RALGAPA2: variants seen among roughly 807,000 people sequenced by gnomAD.
RALGAPA2 encodes the protein Ral GTPase activating protein catalytic subunit alpha 2, also known as ral GTPase-activating protein subunit alpha-2.
In RALGAPA2, 139 loss-of-function variants were observed where a neutral mutation model predicts 230.4. The observed-to-expected ratio is 0.60, with a 90% confidence interval of 0.53 to 0.69. The LOEUF (loss-of-function observed/expected upper bound fraction) is 0.69, where lower values mean the gene tolerates loss of function less well. Ranked by LOEUF, RALGAPA2 falls within the 30% of genes least tolerant of loss-of-function variation. The pLI, the probability that RALGAPA2 is intolerant of heterozygous loss-of-function variation, is 0.00. For missense variants in RALGAPA2, 2,163 were observed against 2,276.0 expected, an observed-to-expected ratio of 0.95 and a Z score of 1.01; for synonymous variants, 847 against 837.8, an observed-to-expected ratio of 1.01 and a Z score of -0.19.
intron 37 of RALGAPA2, among the ~76,000 whole-genome samples, chr20:20,412,750 A>G (rs2060087847): frequency 6.6e-6 from 1 of 152,232 alleles, no homozygotes; most frequent in African/African-American, 2.4e-5. Flanking sequence ...TTTAAAAAAA[A>G]AAGACTACTG....
intron 2 of RALGAPA2, among the ~76,000 whole-genome samples, chr20:20,677,629 ATTTTTTTTTTTTTTT>A (rs758379115): frequency 1.9e-4 from 12 of 64,286 alleles, no homozygotes; most frequent in South Asian, 9.9e-4. Flanking sequence ...GATTTGACCC[ATTTTTTTTTTTTTTT>A]TTTTTTTTTT....
chr20:20,516,921 A>G lies in RALGAPA2; in HGVS notation c.4085-3637T>C, dbSNP rs564098121. The stretch of plus-strand genomic sequence containing the variant: ...AGTCCCACATCTTTCTGCCGGTTGG[A>G]AGTCTCCTGCAGCAGACACAATTGC... On this transcript the variant is annotated intron_variant, in intron 31 of 39. Coordinates refer to ENST00000202677, the MANE Select transcript of RALGAPA2 (RefSeq NM_020343.4). Among the ~76,000 whole-genome samples, 3 of 152,324 alleles carry G rather than the reference A, an allele frequency of 2.0e-5. No individual in the cohort carries two copies. The South Asian group carries it at 6.2e-4, about 32-fold the overall frequency.
At chr20:20,534,549 C>T (rs2063451193) in intron 26 of RALGAPA2, among the ~76,000 whole-genome samples, 1 of 150,090 alleles carries the variant, frequency 6.7e-6, no homozygotes. Context: ...TTTATCAGTA[C>T]TGTCAAAAAA....
At chr20:20,572,836 T>C in intron 21 of RALGAPA2, 39 bp downstream of exon 21, 1 of 1,404,030 alleles carries the variant, frequency 7.1e-7, no homozygotes, top group East Asian at 2.6e-5. Flanking sequence ...TAAGACCATT[T>C]TCCTGGATTA....
chr20:20,512,612 A>C lies in RALGAPA2; in HGVS notation c.4757T>G (p.Val1586Gly). 6.2e-7 allele frequency: 1 copy of C among 1,613,948 alleles called. No homozygotes were observed. The highest frequency in any genetic ancestry group is 8.5e-7 in the Non-Finnish European group (1 of 1,179,862). Reference protein sequence around the residue: ...QSHNFDSAMKVTSQGQPSPVE... With the variant: ...QSHNFDSAMKGTSQGQPSPVE... ...TGGGGAGGGCTGCCCTTGGCTGGTG[A>C]CTTTCATTGCAGAATCGAAGTTATG... The change falls in exon 32 of 40, where the codon GTC becomes GGC. Residue 1586 changes from valine (V) to glycine (G), a missense_variant. Physicochemically the swap from Val to Gly is moderately radical, Grantham distance 109. Coordinates refer to ENST00000202677, the MANE Select transcript of RALGAPA2 (RefSeq NM_020343.4).
intron 3 of RALGAPA2, among the ~76,000 whole-genome samples, chr20:20,661,730 C>T (rs1404644736): frequency 6.6e-6 from 1 of 152,072 alleles, no homozygotes; most frequent in African/African-American, 2.4e-5. Flanking sequence ...TACCGAAGAC[C>T]AAGTCCATCA....
At chr20:20,434,545 A>G (rs1260165422) in intron 37 of RALGAPA2, among the ~76,000 whole-genome samples, 1 of 152,192 alleles carries the variant, frequency 6.6e-6, no homozygotes, top group East Asian at 1.9e-4. Context: ...TCAGAAGTGA[A>G]GACCAGGAGG....
intron 37 of RALGAPA2, among the ~76,000 whole-genome samples, chr20:20,458,716 ATATATATATATACACACACC>A (rs1160477416): frequency 7.5e-6 from 1 of 132,638 alleles, no homozygotes; most frequent in Non-Finnish European, 1.6e-5. Flanking sequence ...ACACACACCT[ATATATATATATACACACACC>A]TATATATATA....
chr20:20,473,793 T>C (rs1034716275), intron 36 of RALGAPA2, among the ~76,000 whole-genome samples: 2 of 152,230 alleles, frequency 1.3e-5, no homozygotes, highest in African/African-American at 4.8e-5. Flanking sequence ...TTCAGTAACA[T>C]GCAGATTGTA....
chr20:20,691,882 C>T (rs1486178829), intron 1 of RALGAPA2, among the ~76,000 whole-genome samples: 1 of 152,198 alleles, frequency 6.6e-6, no homozygotes, highest in Non-Finnish European at 1.5e-5. Flanking sequence ...TGGTGGAAGA[C>T]ATATGGATCA....
At chr20:20,532,858 CA>C (rs2063402077) in intron 26 of RALGAPA2, among the ~76,000 whole-genome samples, 1 of 151,818 alleles carries the variant, frequency 6.6e-6, no homozygotes, top group African/African-American at 2.4e-5. Context: ...GAGGCAGGAG[CA>C]AAATTAGGGA....
chr20:20,673,460 T>C (rs1431394066), intron 3 of RALGAPA2, among the ~76,000 whole-genome samples: 3 of 152,130 alleles, frequency 2.0e-5, no homozygotes, highest in Admixed American at 6.5e-5. Context: ...GAAGGGATTA[T>C]GACTCTCCAA....
intron 3 of RALGAPA2, among the ~76,000 whole-genome samples, chr20:20,662,279 T>C (rs2067807115): frequency 6.6e-6 from 1 of 151,886 alleles, no homozygotes; most frequent in African/African-American, 2.4e-5. Flanking sequence ...TCTCAATTAT[T>C]TGTGGATTTT....
At chr20:20,682,399 A>T (rs1404280555) in intron 1 of RALGAPA2, among the ~76,000 whole-genome samples, 2 of 152,120 alleles carry the variant, frequency 1.3e-5, no homozygotes, top group Non-Finnish European at 2.9e-5. Flanking sequence ...AGTTCAGTAC[A>T]CTTCAACTCT....
At chr20:20,491,788 G>T (rs2062065642) in intron 36 of RALGAPA2, among the ~76,000 whole-genome samples, 1 of 151,522 alleles carries the variant, frequency 6.6e-6, no homozygotes, top group Non-Finnish European at 1.5e-5. Flanking sequence ...GACTTATTTT[G>T]AAAGTAATTT....
At chr20:20,427,594 G>T (rs1030813039) in intron 37 of RALGAPA2, among the ~76,000 whole-genome samples, 1 of 151,976 alleles carries the variant, frequency 6.6e-6, no homozygotes, top group Non-Finnish European at 1.5e-5. Context: ...TGGGTGCCTT[G>T]TGTGTCCTTC....
At chr20:20,675,543 A>G (rs1024310117) in intron 3 of RALGAPA2, among the ~76,000 whole-genome samples, 3 of 152,144 alleles carry the variant, frequency 2.0e-5, no homozygotes, top group African/African-American at 7.2e-5. Context: ...CCAACAATTA[A>G]CTTTCGGAAC....
rs749546561 is a variant in RALGAPA2 at position 20,524,381 on chromosome 20, C to T, written c.3900+25G>A. ...CTGTCATATAAACCCACACTCCATTCCCCCAGGCCCAGGTGTAGACTCACC... is the reference window on the plus strand; with the variant it reads ...CTGTCATATAAACCCACACTCCATTTCCCCAGGCCCAGGTGTAGACTCACC... On this transcript the variant is annotated intron_variant, in intron 30 of 39. Transcript: ENST00000202677. 4 of 1,613,096 alleles carry T rather than the reference C, an allele frequency of 2.5e-6. No homozygotes were observed. In the East Asian group the frequency reaches 6.7e-5, roughly 27 times the overall value.
chr20:20,529,334 G>C (rs879691665), intron 27 of RALGAPA2, among the ~76,000 whole-genome samples: 3 of 152,192 alleles, frequency 2.0e-5, no homozygotes, highest in Admixed American at 2.0e-4. Flanking sequence ...ATAGCGGACA[G>C]AGTGAGAGCT....
Sources: allele counts gnomAD v4.1 joint callset (sites outside exome capture counted in the v4.1 genomes callset), GRCh38; gene constraint gnomAD v4.1.1; transcripts MANE v1.5; gene names NCBI Gene and HGNC (gene_info 2026-07-23, HGNC 2026-07-21).